WNT10A: variants seen among roughly 807,000 people sequenced by gnomAD.
WNT10A encodes the protein protein Wnt-10a.
Under a neutral mutation model 36.1 loss-of-function variants are expected in WNT10A, and 37 were observed. The ratio of observed to expected loss-of-function variants is 1.02; its 90% CI spans 0.79 to 1.35. The LOEUF is 1.35. Among genes scored for constraint, WNT10A ranks in the 40% most tolerant of loss-of-function variants. WNT10A has a pLI of 0.00. For missense variants in WNT10A, 613 were observed against 601.4 expected (o/e 1.02, Z -0.20); for synonymous variants, 255 against 254.1 (o/e 1.00, Z -0.03).
At position 218,892,948 on chromosome 2, in the gene WNT10A, G is replaced by A; in HGVS notation, c.931G>A (p.Glu311Lys). The change falls in exon 4 of 4, where the codon GAG (glutamate) becomes AAG (lysine). Residue 311 changes from glutamate to lysine, a missense_variant. Coordinates refer to ENST00000258411, the MANE Select transcript of WNT10A (RefSeq NM_025216.3). ...RPHNRNGGQL[E>K]PGPAGAPSPA... Reference sequence around the variant, plus strand: ...GCACAACCGCAACGGCGGCCAGCTGGAGCCGGGCCCAGCGGGGGCACCCTC... The same window carrying A: ...GCACAACCGCAACGGCGGCCAGCTGAAGCCGGGCCCAGCGGGGGCACCCTC... 3 of 1,457,168 alleles carry A rather than the reference G, an allele frequency of 2.1e-6. No individual in the cohort carries two copies. The highest frequency in any genetic ancestry group is 2.7e-6 in the Non-Finnish European group (3 of 1,109,266). 90.3% of individuals were successfully genotyped at this position (1,457,168 alleles called of 1,614,324 possible).
intron 2 of WNT10A, among the ~76,000 whole-genome samples, chr2:218,889,101 A>C (rs927950551): frequency 6.6e-6 from 1 of 152,130 alleles, no homozygotes; most frequent in Admixed American, 6.5e-5. Context: ...CAAGTCCCCA[A>C]AGTCCATTGT....
chr2:218,884,999 A>C (rs1374612713), intron 2 of WNT10A, among the ~76,000 whole-genome samples: 5 of 151,962 alleles, frequency 3.3e-5, no homozygotes, highest in African/African-American at 1.2e-4. Flanking sequence ...TGTTACTATC[A>C]CCTAATTGTC....
intron 2 of WNT10A, chr2:218,884,055 G>A (rs1944551948): frequency 6.6e-6 from 1 of 152,398 alleles, no homozygotes; most frequent in South Asian, 2.1e-4. Flanking sequence ...ACTGGGATAG[G>A]CGCGGAGGTT....
chr2:218,879,438 G>A (rs1257852590), upstream of WNT10A, among the ~76,000 whole-genome samples: 1 of 152,266 alleles, frequency 6.6e-6, no homozygotes, highest in African/African-American at 2.4e-5. Context: ...CACTATCAGG[G>A]CCCAGGCTAG....
chr2:218,878,998 A>C (rs1212832814), upstream of WNT10A, among the ~76,000 whole-genome samples: 3 of 152,170 alleles, frequency 2.0e-5, no homozygotes, highest in African/African-American at 7.2e-5. This position sits in a 1 kb window ranked among gnomAD's most constrained non-coding sequence, Gnocchi z 4.1. Flanking sequence ...AGTTGGGGTC[A>C]AATAAGGCTC....
the WNT10A span, among the ~76,000 whole-genome samples, chr2:218,875,666 G>A: frequency 6.6e-6 from 1 of 152,186 alleles, no homozygotes; most frequent in Non-Finnish European, 1.5e-5. Context: ...TCAATGGGAG[G>A]AGTGGCAAAT....
At chr2:218,875,356 G>GT in the WNT10A span, among the ~76,000 whole-genome samples, 1 of 150,772 alleles carries the variant, frequency 6.6e-6, no homozygotes, top group Non-Finnish European at 1.5e-5. Context: ...ACTTGGATAC[G>GT]TTTTTTTGTA....
chr2:218,881,130 C>T (rs1944508138), intron 1 of WNT10A, 22 bp downstream of exon 1: 3 of 1,573,304 alleles, frequency 1.9e-6, no homozygotes, highest in Non-Finnish European at 2.6e-6. Flanking sequence ...CCTCATGCTC[C>T]GCCCTCCTAG....
the WNT10A span, among the ~76,000 whole-genome samples, chr2:218,875,385 T>A: frequency 6.6e-6 from 1 of 151,634 alleles, no homozygotes; most frequent in Admixed American, 6.6e-5. Context: ...AGAGATGGGG[T>A]TTCACCGTGT....
At chr2:218,886,643 G>A (rs867732604) in intron 2 of WNT10A, among the ~76,000 whole-genome samples, 5 of 35,604 alleles carry the variant, frequency 1.4e-4, no homozygotes, top group East Asian at 1.3e-3. Flanking sequence ...CCCCCCCACC[G>A]CTGCCTCCCT....
chr2:218,877,086 G>A (rs1373248196), upstream of WNT10A, among the ~76,000 whole-genome samples: 1 of 152,230 alleles, frequency 6.6e-6, no homozygotes, highest in Non-Finnish European at 1.5e-5. This position sits in a 1 kb window ranked among gnomAD's most constrained non-coding sequence, Gnocchi z 4.1. Flanking sequence ...CAATGCCAGG[G>A]AGGGAAGCTG....
upstream of WNT10A, among the ~76,000 whole-genome samples, chr2:218,879,403 G>A (rs551535494): frequency 5.3e-4 from 81 of 152,350 alleles, no homozygotes; most frequent in African/African-American, 1.9e-3. Context: ...GGAGGATGCC[G>A]AGGGCACAGG....
chr2:218,880,861 G>A lies in WNT10A; in HGVS notation c.-135G>A, dbSNP rs1301783247. 2 of 1,114,470 alleles carry A rather than the reference G, an allele frequency of 1.8e-6. No individual in the cohort carries two copies. Among genetic ancestry groups the A allele is most frequent in the East Asian group, 3.0e-5 (1 of 33,080 alleles). The allele number at this position is 1,114,470 out of a possible 1,614,324, so 69.0% of individuals were successfully genotyped here. A position where few individuals can be genotyped will look rare whatever the true frequency, so the allele number is the denominator to read the frequency against. On this transcript the variant is annotated 5_prime_UTR_variant, in exon 1 of 4. Coordinates refer to ENST00000258411, the MANE Select transcript of WNT10A (RefSeq NM_025216.3). The surrounding 1 kb of genome is among the most constrained non-coding windows in gnomAD (Gnocchi z 7.7). ...CGGGGAGGCGGGCGCCGTCTGCTCC[G>A]GGAGCCCTGACCCGAGTCGGAGCTG... is the stretch of plus-strand genomic sequence containing the variant.
chr2:218,880,343 A>C (rs1393872801), upstream of WNT10A: 1 of 152,624 alleles, frequency 6.6e-6, no homozygotes, highest in Non-Finnish European at 1.5e-5. This position sits in a 1 kb window ranked among gnomAD's most constrained non-coding sequence, Gnocchi z 7.7. Flanking sequence ...CACAGACCCC[A>C]ACACCTTTCC....
chr2:218,879,244 C>T (rs559722121), upstream of WNT10A, among the ~76,000 whole-genome samples: 14 of 152,352 alleles, frequency 9.2e-5, no homozygotes, highest in Middle Eastern at 3.4e-3. Context: ...CCCACCCCCT[C>T]CTTCAGTTCC....
intron 1 of WNT10A, 143 bp downstream of exon 1, chr2:218,881,251 A>G: frequency 8.0e-7 from 1 of 1,252,530 alleles, no homozygotes; most frequent in Non-Finnish European, 1.1e-6. Flanking sequence ...AACCAAAGGC[A>G]GTGAGCTCCC....
chr2:218,882,535 C>T, intron 2 of WNT10A, 112 bp downstream of exon 2: 1 of 1,378,206 alleles, frequency 7.3e-7, no homozygotes, highest in Non-Finnish European at 1.0e-6. Context: ...CCCATCCCCA[C>T]ACACCCATCT....
At chr2:218,882,965 A>T (rs1381502721) in intron 2 of WNT10A, among the ~76,000 whole-genome samples, 3 of 152,166 alleles carry the variant, frequency 2.0e-5, no homozygotes, top group Admixed American at 2.0e-4. Context: ...TCTCTGAATC[A>T]GAGGTGCTGG....
intron 2 of WNT10A, among the ~76,000 whole-genome samples, chr2:218,886,363 G>C (rs898846019): frequency 6.6e-6 from 1 of 152,184 alleles, no homozygotes; most frequent in Non-Finnish European, 1.5e-5. Context: ...TGCATGGAGA[G>C]AATGGAGACC....
Sources: gnomAD v4.1 joint callset for allele counts (sites outside exome capture counted in the v4.1 genomes callset) on GRCh38, gnomAD v4.1.1 for gene constraint, Gnocchi (gnomAD v3.1) non-coding constraint, MANE v1.5 for transcripts, NCBI Gene and HGNC (gene_info 2026-07-23, HGNC 2026-07-21) for gene names.